LHFPL3: variants seen among roughly 807,000 people sequenced by gnomAD.
LHFPL3 encodes LHFPL tetraspan subfamily member 3 protein.
LHFPL3 carries 5 observed loss-of-function variants against 19.3 expected under a neutral mutation model. That is an observed-to-expected ratio of 0.26 (90% confidence interval 0.14 to 0.54). The LOEUF (loss-of-function observed/expected upper bound fraction) is 0.54, where lower values mean the gene tolerates loss of function less well. Among genes scored for constraint, LHFPL3 ranks in the 20% least tolerant of loss-of-function variants. The pLI is 0.94. For missense variants in LHFPL3, 249 were observed against 307.4 expected, an observed-to-expected ratio of 0.81 and a Z score of 1.42; for synonymous variants, 133 against 126.2, an observed-to-expected ratio of 1.05 and a Z score of -0.36.
intron 2 of LHFPL3, among the ~76,000 whole-genome samples, chr7:104,773,055 G>A (rs1397903356): frequency 2.6e-5 from 4 of 152,194 alleles, no homozygotes; most frequent in Non-Finnish European, 5.9e-5. Flanking sequence ...TCCCTGGTGG[G>A]CTTTCCCCTG....
At chr7:104,762,748 T>A (rs571186090) in intron 2 of LHFPL3, among the ~76,000 whole-genome samples, 1 of 152,366 alleles carries the variant, frequency 6.6e-6, no homozygotes, top group South Asian at 2.1e-4. Context: ...GGCAGGCATT[T>A]TGATTCCATT....
chr7:104,552,916 T>C (rs918359116), intron 1 of LHFPL3, among the ~76,000 whole-genome samples: 3 of 152,208 alleles, frequency 2.0e-5, no homozygotes, highest in African/African-American at 4.8e-5. Context: ...TTGTGTGACC[T>C]TGGCATGTTA....
intron 1 of LHFPL3, among the ~76,000 whole-genome samples, chr7:104,332,913 C>T (rs2116347435): frequency 6.7e-6 from 1 of 148,838 alleles, no homozygotes; most frequent in African/African-American, 2.5e-5. Context: ...ATAAAACTTT[C>T]CTAAATCTGT....
At chr7:104,709,161 A>T in intron 1 of LHFPL3, among the ~76,000 whole-genome samples, 1 of 151,644 alleles carries the variant, frequency 6.6e-6, no homozygotes, top group Admixed American at 6.6e-5. Context: ...ATTTTTAGGG[A>T]TGTCATTTTT....
intron 1 of LHFPL3, among the ~76,000 whole-genome samples, chr7:104,358,851 G>A (rs1335791426): frequency 6.6e-6 from 1 of 152,202 alleles, no homozygotes; most frequent in East Asian, 1.9e-4. Context: ...GCTGTGATTT[G>A]TGGATCCTTT....
At chr7:104,654,577 C>T (rs932871563) in intron 1 of LHFPL3, among the ~76,000 whole-genome samples, 11 of 152,130 alleles carry the variant, frequency 7.2e-5, no homozygotes, top group Non-Finnish European at 1.2e-4. Context: ...TTGTACCTAC[C>T]TTGTGGGAAT....
Position 104,906,236 on chromosome 7 carries a change from C to T in LHFPL3, c.*21C>T, listed in dbSNP as rs762922734. ...AATGAGCACAAAACAAATCGAATAACAGCTAAACAAATCGAATAACAGCTA... is the reference window on the plus strand; with the variant it reads ...AATGAGCACAAAACAAATCGAATAATAGCTAAACAAATCGAATAACAGCTA... On this transcript the variant is annotated 3_prime_UTR_variant, in exon 3 of 3. Transcript: ENST00000424859. 1 of 1,603,592 alleles carries T rather than the reference C, an allele frequency of 6.2e-7. No individual in the cohort carries two copies. Among genetic ancestry groups the T allele is most frequent in the South Asian group, 1.1e-5 (1 of 88,794 alleles).
chr7:104,540,483 A>T (rs1384749381), intron 1 of LHFPL3, among the ~76,000 whole-genome samples: 2 of 152,242 alleles, frequency 1.3e-5, no homozygotes, highest in Admixed American at 1.3e-4. Flanking sequence ...ACAAAGAATT[A>T]TCTGGCCCCA....
At chr7:104,829,179 G>C (rs1244390994) in intron 2 of LHFPL3, among the ~76,000 whole-genome samples, 1 of 151,846 alleles carries the variant, frequency 6.6e-6, no homozygotes, top group Non-Finnish European at 1.5e-5. Context: ...AGCCTCCCAT[G>C]AGGAGCCACT....
At chr7:104,759,584 G>A (rs954461677) in intron 2 of LHFPL3, 1 of 152,048 alleles carries the variant, frequency 6.6e-6, no homozygotes, top group Non-Finnish European at 1.5e-5. Context: ...TCCTGTGTTG[G>A]ACAGCACAGG....
chr7:104,468,751 C>T (rs991277184), intron 1 of LHFPL3, among the ~76,000 whole-genome samples: 29 of 151,038 alleles, frequency 1.9e-4, no homozygotes, highest in South Asian at 6.3e-4. Context: ...CTCCACCTCG[C>T]GGGTTCAAGC....
chr7:104,355,742 G>T (rs1484584774), intron 1 of LHFPL3, among the ~76,000 whole-genome samples: 1 of 152,166 alleles, frequency 6.6e-6, no homozygotes, highest in Non-Finnish European at 1.5e-5. Flanking sequence ...TCAAAAGTAA[G>T]TGTCGCATGT....
At chr7:104,815,826 A>AGTT (rs1790551254) in intron 2 of LHFPL3, among the ~76,000 whole-genome samples, 1 of 152,152 alleles carries the variant, frequency 6.6e-6, no homozygotes, top group Non-Finnish European at 1.5e-5. Context: ...GACACAGGAA[A>AGTT]GTTGTGAACT....
At chr7:104,620,205 G>T (rs2115797700) in intron 1 of LHFPL3, among the ~76,000 whole-genome samples, 1 of 152,226 alleles carries the variant, frequency 6.6e-6, no homozygotes, top group Middle Eastern at 3.4e-3. Flanking sequence ...ACCCAGCCTT[G>T]ATACATCAGA....
intron 1 of LHFPL3, among the ~76,000 whole-genome samples, chr7:104,377,800 G>T (rs553080522): frequency 6.6e-6 from 1 of 152,218 alleles, no homozygotes; most frequent in African/African-American, 2.4e-5. Context: ...TTTAAAAAAT[G>T]AATAATGCAT....
intron 2 of LHFPL3, among the ~76,000 whole-genome samples, chr7:104,772,997 G>A (rs112392674): frequency 2.6e-5 from 4 of 152,362 alleles, no homozygotes; most frequent in African/African-American, 9.6e-5. Flanking sequence ...GCTGAGGCAG[G>A]TTTTTCTTTT....
chr7:104,747,045 T>G (rs1794060020), intron 2 of LHFPL3, among the ~76,000 whole-genome samples: 1 of 152,230 alleles, frequency 6.6e-6, no homozygotes, highest in Admixed American at 6.5e-5. Context: ...GTGATCATAG[T>G]TGGTCAGTTG....
At position 104,344,278 on chromosome 7, in the gene LHFPL3, A is replaced by G. The variant is rs189905673; in HGVS notation, c.445+15054A>G. ...TATTATTTTTAATTTTTTTATTTCA[A>G]TAGCTTTTGGGGTGCAAATGGTTGT... On this transcript the variant is annotated intron_variant, in intron 1 of 2. Coordinates refer to ENST00000424859, the MANE Select transcript of LHFPL3 (RefSeq NM_199000.3). Among the ~76,000 whole-genome samples, 83 of 152,232 alleles carry G rather than the reference A, an allele frequency of 5.5e-4. 1 individual carries two copies. The East Asian group carries it at 0.015, about 27-fold the overall frequency.
chr7:104,600,761 T>A (rs55954850), intron 1 of LHFPL3, among the ~76,000 whole-genome samples: 6,659 of 152,274 alleles, frequency 0.044, 168 homozygotes, highest in African/African-American at 0.064. Context: ...TTTCATTCAT[T>A]CTTCACAGTG....
Sources: gnomAD v4.1 joint callset for allele counts (sites outside exome capture counted in the v4.1 genomes callset) on GRCh38, gnomAD v4.1.1 for gene constraint, MANE v1.5 for transcripts, NCBI Gene and HGNC (gene_info 2026-07-23, HGNC 2026-07-21) for gene names.